UNC13C: variants seen among roughly 807,000 people sequenced by gnomAD.
The protein encoded by UNC13C is unc-13 homolog C.
In UNC13C, 174 loss-of-function variants were observed where a neutral mutation model predicts 245.4. The ratio of observed to expected loss-of-function variants is 0.71; its 90% CI spans 0.63 to 0.80. UNC13C has a LOEUF of 0.80. UNC13C is among the 30% of genes least tolerant of loss of function. UNC13C has a pLI of 0.00. For synonymous variants in UNC13C, 992 were observed against 895.1 expected, an observed-to-expected ratio of 1.11 and a Z score of -1.93; for missense variants, 2,829 against 2,602.9, an observed-to-expected ratio of 1.09 and a Z score of -1.89.
chr15:54,369,975 G>A lies in UNC13C; in HGVS notation c.4714-23073G>A, dbSNP rs61086197. Among the ~76,000 whole-genome samples the A allele has an allele frequency of 7.9e-3, 1,205 of 152,174 alleles. 11 individuals carry two copies. The highest frequency in any genetic ancestry group is 0.028 in the African/African-American group (1,149 of 41,532). On this transcript the variant is annotated intron_variant, in intron 17 of 32. Coordinates refer to ENST00000260323, the MANE Select transcript of UNC13C (RefSeq NM_001080534.3). ...CTCTCCTTGTGTTTTTAAGGGTGGC[G>A]AGAAATAATAGGCCACACTGGTTTC...
At chr15:54,596,203 T>A (rs1899074849) in intron 30 of UNC13C, among the ~76,000 whole-genome samples, 1 of 152,200 alleles carries the variant, frequency 6.6e-6, no homozygotes, top group African/African-American at 2.4e-5. Context: ...CAGAAAGTTG[T>A]ATTTTTTTCA....
At chr15:54,275,506 T>C (rs992854445) in intron 10 of UNC13C, among the ~76,000 whole-genome samples, 1 of 152,194 alleles carries the variant, frequency 6.6e-6, no homozygotes, top group Non-Finnish European at 1.5e-5. Context: ...GTTATTTATA[T>C]CTCATTATTT....
At chr15:54,455,206 T>TCTCTCTCTCTCC (rs1491473719) in intron 19 of UNC13C, among the ~76,000 whole-genome samples, 1 of 24,028 alleles carries the variant, frequency 4.2e-5, no homozygotes, top group African/African-American at 1.4e-4. Context: ...TCTCTCTCTC[T>TCTCTCTCTCTCC]ATATATATAT....
chr15:54,354,460 C>T (rs930439034), intron 17 of UNC13C, among the ~76,000 whole-genome samples: 9 of 152,168 alleles, frequency 5.9e-5, no homozygotes, highest in African/African-American at 2.2e-4. Flanking sequence ...ACATAGTTTG[C>T]TGGACCTACC....
At chr15:53,946,451 GT>G in the UNC13C span, among the ~76,000 whole-genome samples, 32,039 of 110,302 alleles carry the variant, frequency 0.29, 4,351 homozygotes, top group Non-Finnish European at 0.36. Flanking sequence ...TCTTTTTTTT[GT>G]TTTTTTTTTT....
In UNC13C at chr15:54,627,722, A is replaced by G. The variant is rs1011361799; in HGVS notation, c.*609A>G. ...TGTTAAAGCAAACTTACATAAAGCAATGCTAGAGTTTGTTAACAATGTTTG... is the reference window on the plus strand; with the variant it reads ...TGTTAAAGCAAACTTACATAAAGCAGTGCTAGAGTTTGTTAACAATGTTTG... On this transcript the variant is annotated 3_prime_UTR_variant, in exon 33 of 33. Transcript: ENST00000260323. The G allele has an allele frequency of 5.9e-5, 9 of 152,458 alleles. No homozygotes were observed. The highest frequency in any genetic ancestry group is 2.2e-4 in the African/African-American group (9 of 41,444). The allele number at this position is 152,458 out of a possible 1,614,324, so 9.4% of individuals were successfully genotyped here. A position where few individuals can be genotyped will look rare whatever the true frequency, so the allele number is the denominator to read the frequency against.
intron 29 of UNC13C, among the ~76,000 whole-genome samples, chr15:54,559,639 G>T (rs1317464629): frequency 6.6e-6 from 1 of 151,958 alleles, no homozygotes; most frequent in Non-Finnish European, 1.5e-5. Context: ...AAGGATGGGG[G>T]AGGGCAGAGA....
chr15:54,195,952 C>T (rs1567087672), intron 4 of UNC13C, among the ~76,000 whole-genome samples: 1 of 152,044 alleles, frequency 6.6e-6, no homozygotes, highest in Non-Finnish European at 1.5e-5. Context: ...TTTACTGACA[C>T]CTTGAATATG....
rs556557335 is a variant in UNC13C, at chr15:54,191,671, G to A, written c.3072-43359G>A. On this transcript the variant is annotated intron_variant, in intron 4 of 32. Coordinates refer to ENST00000260323, the MANE Select transcript of UNC13C (RefSeq NM_001080534.3). The stretch of plus-strand genomic sequence containing the variant: ...GAACTGATTTACACTCCCACCAACA[G>A]TGTAAAAGCGTTCCTATTTCACCAC... Among the ~76,000 whole-genome samples, 4 of 152,278 alleles carry A rather than the reference G, an allele frequency of 2.6e-5. No individual in the cohort carries two copies. The East Asian group carries it at 5.8e-4, about 22-fold the overall frequency.
chr15:54,602,748 C>T (rs979133803), intron 30 of UNC13C, among the ~76,000 whole-genome samples: 1 of 152,172 alleles, frequency 6.6e-6, no homozygotes, highest in African/African-American at 2.4e-5. Flanking sequence ...AGCCCCCACC[C>T]TCCCTCCAAA....
At chr15:54,405,957 TAGTTTAC>T (rs146898627) in intron 18 of UNC13C, among the ~76,000 whole-genome samples, 5,060 of 150,230 alleles carry the variant, frequency 0.034, 241 homozygotes, top group African/African-American at 0.11. Flanking sequence ...TTAATACTGT[TAGTTTAC>T]AGTAAAGAGA....
chr15:54,487,552 A>G (rs1040864250), intron 19 of UNC13C, among the ~76,000 whole-genome samples: 1 of 152,024 alleles, frequency 6.6e-6, no homozygotes, highest in African/African-American at 2.4e-5. Context: ...GGATTACTTG[A>G]GGTCAGGAGT....
At chr15:54,507,218 TC>T in intron 23 of UNC13C, 24 bp downstream of exon 23, 1 of 1,458,008 alleles carries the variant, frequency 6.9e-7, no homozygotes, top group Non-Finnish European at 9.5e-7. Flanking sequence ...GTCTCTACTT[TC>T]AAGTATCTCT....
chr15:54,606,636 C>G (rs563815404), intron 30 of UNC13C, among the ~76,000 whole-genome samples: 1 of 152,284 alleles, frequency 6.6e-6, no homozygotes, highest in Non-Finnish European at 1.5e-5. Context: ...GTTCAATCCT[C>G]GTAGTACCAT....
At chr15:54,407,484 G>T (rs1215594689) in intron 18 of UNC13C, among the ~76,000 whole-genome samples, 3 of 152,166 alleles carry the variant, frequency 2.0e-5, no homozygotes. Context: ...GGTACAAAAA[G>T]TACCATAGAG....
the UNC13C span, among the ~76,000 whole-genome samples, chr15:53,908,752 C>CAAAAA: frequency 0.019 from 1,650 of 87,918 alleles, 142 homozygotes; most frequent in South Asian, 0.12. Context: ...AACCTTTCTC[C>CAAAAA]AAAAAAAAAA....
At chr15:54,357,043 GT>G (rs1237797085) in intron 17 of UNC13C, among the ~76,000 whole-genome samples, 2 of 151,660 alleles carry the variant, frequency 1.3e-5, no homozygotes, top group African/African-American at 2.4e-5. Flanking sequence ...AATTTCTTTA[GT>G]TTTTTTTGAA....
At chr15:54,172,728 A>C in intron 4 of UNC13C, among the ~76,000 whole-genome samples, 1 of 47,968 alleles carries the variant, frequency 2.1e-5, no homozygotes, top group South Asian at 5.6e-4. Flanking sequence ...ATATATATAT[A>C]TATATATATA....
chr15:53,942,859 C>T, the UNC13C span, among the ~76,000 whole-genome samples: 12 of 152,254 alleles, frequency 7.9e-5, no homozygotes, highest in East Asian at 9.7e-4. Flanking sequence ...CACGGGGTTT[C>T]GCCATGTTGC....
Sources: allele counts gnomAD v4.1 joint callset (sites outside exome capture counted in the v4.1 genomes callset), GRCh38; gene constraint gnomAD v4.1.1; transcripts MANE v1.5; gene names NCBI Gene and HGNC (gene_info 2026-07-23, HGNC 2026-07-21).